Variants in MYO7A observed in about 807,000 individuals in gnomAD.
MYO7A encodes the protein myosin VIIA, also known as unconventional myosin-VIIa.
A neutral mutation model predicts 263.8 loss-of-function variants in MYO7A; 210 were observed. The observed-to-expected ratio is 0.80, with a 90% CI of 0.71 to 0.89. The LOEUF (loss-of-function observed/expected upper bound fraction) is 0.89, where lower values mean the gene tolerates loss of function less well. Among genes scored for constraint, MYO7A ranks in the 40% least tolerant of loss-of-function variants. MYO7A has a pLI of 0.00. For missense variants in MYO7A, 2,820 were observed against 2,968.3 expected, an observed-to-expected ratio of 0.95 and a Z score of 1.16; for synonymous variants, 1,239 against 1,197.3, an observed-to-expected ratio of 1.03 and a Z score of -0.72.
intron 15 of MYO7A, among the ~76,000 whole-genome samples, chr11:77,168,395 C>T (rs1275103235): frequency 6.6e-6 from 1 of 152,188 alleles, no homozygotes. Context: ...CTACTGGGCA[C>T]CTCTTCTGAG....
chr11:77,183,151 A>G lies in MYO7A; in HGVS notation c.3369A>G (p.Thr1123=), dbSNP rs1555086045. The change falls in exon 26 of 49, where the codon ACA becomes ACG. Residue 1123 remains threonine, a synonymous_variant. Transcript: ENST00000409709. The part of the protein sequence containing the change: ...HLTLKKKSKL[T]EEVTKRLHDG... ...CTCTGAAAAAGAAGTCCAAGCTCAC[A>G]GAGGAGGTGAGGGCAGACGCTGGGG... 17 of 1,551,628 alleles carry G rather than the reference A, an allele frequency of 1.1e-5. No individual in the cohort carries two copies. In the Admixed American group the frequency reaches 2.5e-4, roughly 23 times the overall value.
At chr11:77,172,524 G>T (rs1261593367) in intron 15 of MYO7A, among the ~76,000 whole-genome samples, 1 of 152,196 alleles carries the variant, frequency 6.6e-6, no homozygotes, top group South Asian at 2.1e-4. Context: ...TCGCCCAGAG[G>T]TGGTAACTTT....
In MYO7A at chr11:77,172,774, C is replaced by T. The variant is rs2135406667; in HGVS notation, c.1824C>T (p.Pro608=). 6.4e-7 allele frequency: 1 copy of T among 1,559,710 alleles called. No individual in the cohort carries two copies. Among genetic ancestry groups the T allele is most frequent in the Non-Finnish European group, 8.7e-7 (1 of 1,152,380 alleles). ...AMGAETRKRS[P]TLSSQFKRSL... Reference sequence around the variant, plus strand: ...GCGCCGAGACCAGGAAGCGCTCGCCCACACTTAGCAGCCAGTTCAAGCGGT... The same window carrying T: ...GCGCCGAGACCAGGAAGCGCTCGCCTACACTTAGCAGCCAGTTCAAGCGGT... The change falls in exon 16 of 49, where the codon CCC becomes CCT. Residue 608 remains proline (P), a synonymous_variant. Coordinates refer to ENST00000409709, the MANE Select transcript of MYO7A (RefSeq NM_000260.4).
chr11:77,201,474 T>A lies in MYO7A; in HGVS notation c.4879T>A (p.Phe1627Ile). 6.2e-7 allele frequency: 1 copy of A among 1,613,906 alleles called. No individual in the cohort carries two copies. The highest frequency in any genetic ancestry group is 8.5e-7 in the Non-Finnish European group (1 of 1,179,860). ...AGGCGAGGAGTCAGGCTTCCTCAGCTTTGCCAAGGGAGACCTCATCATCCT... is the reference window on the plus strand; with the variant it reads ...AGGCGAGGAGTCAGGCTTCCTCAGCATTGCCAAGGGAGACCTCATCATCCT... Reference protein sequence around the residue: ...PAGEESGFLSFAKGDLIILDH... With the variant: ...PAGEESGFLSIAKGDLIILDH... The change falls in exon 36 of 49, where the codon TTT (phenylalanine) becomes ATT (isoleucine). Residue 1627 changes from phenylalanine to isoleucine, a missense_variant. Coordinates refer to ENST00000409709, the MANE Select transcript of MYO7A (RefSeq NM_000260.4).
rs1555068157 is a variant in MYO7A at position 77,160,975 on chromosome 11, G to A, written c.1203G>A (p.Gly401=). 1.9e-6 allele frequency: 3 copies of A among 1,599,726 alleles called. No homozygotes were observed. The highest frequency in any genetic ancestry group is 1.7e-6 in the Non-Finnish European group (2 of 1,173,768). The change falls in exon 12 of 49, where the codon GGG becomes GGA. Residue 401 remains glycine, a splice_region_variant and synonymous_variant. Coordinates refer to ENST00000409709, the MANE Select transcript of MYO7A (RefSeq NM_000260.4). ...AGTGGCTGATCACTGCCTTTCAGGG[G>A]ATCTACGGGCGGCTGTTCGTGTGGA... ...ALDVRDAFVK[G]IYGRLFVWIV... is the part of the protein sequence containing the mutation.
rs768268356 is a variant in MYO7A at position 77,198,515 on chromosome 11, G to C, written c.4462G>C (p.Asp1488His). The change falls in exon 34 of 49, where the codon GAC becomes CAC. Residue 1488 changes from aspartate to histidine, a missense_variant. Asp to His is a moderately conservative substitution (Grantham distance 81). Transcript: ENST00000409709. ...KFSGPSLPKNDVIVAVNWTGV... is the reference protein window; with the variant it reads ...KFSGPSLPKNHVIVAVNWTGV... ...CCCAGGCCCCAGTCTCCCCAAGAAC[G>C]ACGTCATCGTGGCCGTCAACTGGAC... 2.5e-6 allele frequency: 4 copies of C among 1,613,880 alleles called. No individual in the cohort carries two copies. In the Admixed American group the frequency reaches 5.0e-5, roughly 20 times the overall value.
At chr11:77,184,050 A>G (rs1555086697) in intron 26 of MYO7A, among the ~76,000 whole-genome samples, 2 of 152,088 alleles carry the variant, frequency 1.3e-5, no homozygotes, top group Non-Finnish European at 2.9e-5. Context: ...CACTCACCCT[A>G]CATCCTCTGG....
rs968552859 is a variant in MYO7A, at chr11:77,172,764, A to G, written c.1814A>G (p.Lys605Arg). The G allele has an allele frequency of 4.5e-6, 7 of 1,558,394 alleles. No individual in the cohort carries two copies. The highest frequency in any genetic ancestry group is 1.9e-5 in the Admixed American group (1 of 52,206). ...ADVAMGAETR[K>R]RSPTLSSQFK... ...TCCCCCCAGGGCGCCGAGACCAGGA[A>G]GCGCTCGCCCACACTTAGCAGCCAG... The change falls in exon 16 of 49, where the codon AAG becomes AGG. Residue 605 changes from lysine to arginine, a missense_variant. Coordinates refer to ENST00000409709, the MANE Select transcript of MYO7A (RefSeq NM_000260.4).
At chr11:77,176,880 A>G (rs1954694109) in intron 18 of MYO7A, among the ~76,000 whole-genome samples, 1 of 152,148 alleles carries the variant, frequency 6.6e-6, no homozygotes, top group Admixed American at 6.5e-5. Flanking sequence ...GGAGGTGTTC[A>G]ATTCATATAT....
chr11:77,144,824 C>T (rs1951453433), intron 3 of MYO7A, among the ~76,000 whole-genome samples: 1 of 152,180 alleles, frequency 6.6e-6, no homozygotes, highest in Non-Finnish European at 1.5e-5. Flanking sequence ...TGCCTTTGTC[C>T]AAGCCATTTC....
intron 2 of MYO7A, among the ~76,000 whole-genome samples, chr11:77,141,463 A>T (rs1951206682): frequency 1.3e-5 from 2 of 151,732 alleles, no homozygotes. Flanking sequence ...ATTTTTTTTT[A>T]CTTGATATTA....
At chr11:77,181,779 G>GTTTTTTTTTTTTTT (rs782689084) in intron 23 of MYO7A, among the ~76,000 whole-genome samples, 172 bp from the exon 24 acceptor site, 13 of 90,044 alleles carry the variant, frequency 1.4e-4, no homozygotes, top group South Asian at 4.3e-4. Context: ...TTTTTTTTTT[G>GTTTTTTTTTTTTTT]TTTTTTTTTT....
rs559807345 is a variant in MYO7A at position 77,145,015 on chromosome 11, G to A, written c.132+2193G>A. ...CTGCCCTGGTTACACTTTGGCCCCC[G>A]GTAGGTACCTGTGGACCTTGACCTG... is the stretch of plus-strand genomic sequence containing the variant. On this transcript the variant is annotated intron_variant, in intron 3 of 48. Coordinates refer to ENST00000409709, the MANE Select transcript of MYO7A (RefSeq NM_000260.4). Among the ~76,000 whole-genome samples the A allele has an allele frequency of 1.1e-4, 16 of 152,244 alleles. No homozygotes were observed. In the East Asian group the frequency reaches 1.4e-3, roughly 13 times the overall value.
chr11:77,150,118 C>G (rs888761220), intron 4 of MYO7A, among the ~76,000 whole-genome samples: 1 of 152,226 alleles, frequency 6.6e-6, no homozygotes, highest in African/African-American at 2.4e-5. Flanking sequence ...GTCATTGTCC[C>G]TATGCTGAGG....
At chr11:77,194,201 C>T in intron 31 of MYO7A, 153 bp from the exon 32 acceptor site, 1 of 914,204 alleles carries the variant, frequency 1.1e-6, no homozygotes. Flanking sequence ...CAAGAATTCC[C>T]TGGTGAATCA....
rs11237119 is a variant in MYO7A, at chr11:77,203,848, A to G, written c.5327-228A>G. ...GGCAGGGGGTGGCATGGTCAGATTCACCATCTGGGAAGTCCATCCCAGCTG... is the reference window on the plus strand; with the variant it reads ...GGCAGGGGGTGGCATGGTCAGATTCGCCATCTGGGAAGTCCATCCCAGCTG... On this transcript the variant is annotated intron_variant, in intron 38 of 48. Coordinates refer to ENST00000409709, the MANE Select transcript of MYO7A (RefSeq NM_000260.4). Among the ~76,000 whole-genome samples, 84,829 of 151,954 alleles carry G rather than the reference A, an allele frequency of 0.56. 23,922 individuals are homozygous for G. The highest frequency in any genetic ancestry group is 0.62 in the Admixed American group (9,459 of 15,280).
chr11:77,214,680 C>T lies in MYO7A; in HGVS notation c.6632C>T (p.Ser2211Phe), dbSNP rs373957005. 7.8e-5 allele frequency: 124 copies of T among 1,579,984 alleles called. No homozygotes were observed. The highest frequency in any genetic ancestry group is 1.0e-4 in the Non-Finnish European group (116 of 1,162,902). ...ACAGCCATGAGCAAACAGCGGGGCT[C>T]CAGGAGCGGCAAGTGAACAGTCACG... ...MLTAMSKQRG[S>F]RSGK The change falls in exon 49 of 49, where the codon TCC becomes TTC. Residue 2211 changes from serine (S) to phenylalanine (F), a missense_variant. Physicochemically the swap from Ser to Phe is radical, Grantham distance 155. Coordinates refer to ENST00000409709, the MANE Select transcript of MYO7A (RefSeq NM_000260.4).
intron 44 of MYO7A, among the ~76,000 whole-genome samples, chr11:77,210,703 TG>T (rs1957804756): frequency 6.6e-6 from 1 of 151,716 alleles, no homozygotes; most frequent in African/African-American, 2.4e-5. Flanking sequence ...TTCAAGGGGG[TG>T]GGAGGGCCTC....
intron 30 of MYO7A, chr11:77,191,102 A>G (rs1310807575): frequency 9.1e-6 from 4 of 439,312 alleles, no homozygotes; most frequent in Non-Finnish European, 1.2e-5. Flanking sequence ...CGGGCAGATC[A>G]CAAAGTCAGG....
Sources: gnomAD v4.1 joint callset for allele counts (sites outside exome capture counted in the v4.1 genomes callset) on GRCh38, gnomAD v4.1.1 for gene constraint, MANE v1.5 for transcripts, NCBI Gene and HGNC (gene_info 2026-07-23, HGNC 2026-07-21) for gene names.